Variants in HMCES observed in about 807,000 individuals in gnomAD.
HMCES encodes 5-hydroxymethylcytosine binding, ES cell specific, also known as abasic site processing protein HMCES.
HMCES carries 27 observed loss-of-function variants against 35.1 expected under a neutral mutation model. The observed-to-expected ratio is 0.77, with a 90% CI of 0.57 to 1.06. The LOEUF is 1.06. Among genes scored for constraint, HMCES ranks in the 50% least tolerant of loss-of-function variants. HMCES has a pLI of 0.00. For missense variants in HMCES, 391 were observed against 430.4 expected, an observed-to-expected ratio of 0.91 and a Z score of 0.81; for synonymous variants, 130 against 154.7, an observed-to-expected ratio of 0.84 and a Z score of 1.18.
At chr3:129,300,280 G>C (rs2071147390) in intron 5 of HMCES, among the ~76,000 whole-genome samples, 1 of 151,844 alleles carries the variant, frequency 6.6e-6, no homozygotes, top group Non-Finnish European at 1.5e-5. Context: ...TGTTTGAGAT[G>C]GGTGCATTTT....
At chr3:129,303,195 C>G (rs2071191569) in intron 6 of HMCES, among the ~76,000 whole-genome samples, 1 of 152,078 alleles carries the variant, frequency 6.6e-6, no homozygotes, top group Admixed American at 6.5e-5. Flanking sequence ...AAAGCTGGCC[C>G]CCACTGACAT....
chr3:129,284,481 TGTC>T (rs1001605543), intron 2 of HMCES, among the ~76,000 whole-genome samples: 3 of 152,360 alleles, frequency 2.0e-5, no homozygotes, highest in African/African-American at 7.2e-5. Flanking sequence ...TTGATGAAAG[TGTC>T]GTCACCAGAT....
In HMCES at chr3:129,298,555, C is replaced by T. The variant is rs773101181; in HGVS notation, c.635+20C>T. The T allele has an allele frequency of 6.2e-7, 1 of 1,606,306 alleles. No individual in the cohort carries two copies. Among genetic ancestry groups the T allele is most frequent in the Non-Finnish European group, 8.5e-7 (1 of 1,173,734 alleles). ...CCACAGGCAAGTCATACTTCTTAGC[C>T]CTGGATCCAAAAGGATCCAAAAGAT... On this transcript the variant is annotated intron_variant, in intron 5 of 6. Coordinates refer to ENST00000383463, the MANE Select transcript of HMCES (RefSeq NM_020187.3).
chr3:129,302,859 A>C (rs930976990), intron 6 of HMCES, among the ~76,000 whole-genome samples: 1 of 149,530 alleles, frequency 6.7e-6, no homozygotes, highest in Non-Finnish European at 1.5e-5. Context: ...ACAAAAAGGA[A>C]AAAAAAAAAA....
intron 4 of HMCES, among the ~76,000 whole-genome samples, chr3:129,293,846 G>A (rs985303096): frequency 5.9e-5 from 9 of 152,090 alleles, no homozygotes; most frequent in Non-Finnish European, 1.2e-4. Context: ...TGGGATTACA[G>A]GCATGAGCTA....
At chr3:129,300,826 C>T (rs1308597075) in intron 5 of HMCES, among the ~76,000 whole-genome samples, 9 of 151,946 alleles carry the variant, frequency 5.9e-5, no homozygotes, top group Non-Finnish European at 8.8e-5. Context: ...GTCAGGAGAT[C>T]GAGACCATCC....
intron 2 of HMCES, 131 bp downstream of exon 2, chr3:129,280,046 G>T (rs1940426447): frequency 1.4e-6 from 1 of 704,140 alleles, no homozygotes; most frequent in Non-Finnish European, 2.2e-6. Context: ...CTGACTTCCA[G>T]TTGAGAACCT....
At chr3:129,289,070 C>T in intron 3 of HMCES, 73 bp downstream of exon 3, 1 of 1,196,558 alleles carries the variant, frequency 8.4e-7, no homozygotes, top group Non-Finnish European at 1.1e-6. Flanking sequence ...CCATCCTAGC[C>T]TACAGAGGAC....
At chr3:129,295,929 C>A (rs1303066136) in intron 4 of HMCES, among the ~76,000 whole-genome samples, 1 of 152,100 alleles carries the variant, frequency 6.6e-6, no homozygotes, top group Non-Finnish European at 1.5e-5. Flanking sequence ...ATTTCTTCTG[C>A]CCCATTTTCT....
intron 4 of HMCES, among the ~76,000 whole-genome samples, chr3:129,296,707 G>T (rs1308056312): frequency 6.6e-6 from 1 of 152,108 alleles, no homozygotes; most frequent in Admixed American, 6.6e-5. Context: ...GGTTAAGTCA[G>T]TCTTGTCAGG....
At chr3:129,289,315 C>T (rs1414846650) in intron 3 of HMCES, among the ~76,000 whole-genome samples, 3 of 152,180 alleles carry the variant, frequency 2.0e-5, no homozygotes, top group African/African-American at 2.4e-5. Flanking sequence ...CTTCTTCACC[C>T]ACATCTGACC....
chr3:129,279,349 GA>G lies in HMCES; in HGVS notation c.-23-359del. The stretch of plus-strand genomic sequence containing the variant: ...CGCTGACCCCAGCGGGGACTGGGGG[GA>G]AGGACGGGGAGTTGGGGGCACCAAG... On this transcript the variant is annotated intron_variant, in intron 1 of 6. Transcript: ENST00000383463. This position sits in a 1 kb window ranked among gnomAD's most constrained non-coding sequence, Gnocchi z 4.2. 4.5e-6 allele frequency: 1 copy of G among 222,306 alleles called. No individual in the cohort carries two copies. Among genetic ancestry groups the G allele is most frequent in the South Asian group, 5.0e-5 (1 of 19,944 alleles). 13.8% of individuals were successfully genotyped at this position (222,306 alleles called of 1,614,324 possible).
At chr3:129,285,141 C>A (rs978175785) in intron 2 of HMCES, among the ~76,000 whole-genome samples, 5 of 152,060 alleles carry the variant, frequency 3.3e-5, no homozygotes, top group African/African-American at 1.2e-4. Flanking sequence ...ACCCTAATTT[C>A]TTCTTTTAAC....
chr3:129,282,295 C>CAAAAA (rs201242976), intron 2 of HMCES, among the ~76,000 whole-genome samples: 2,114 of 90,860 alleles, frequency 0.023, 88 homozygotes, highest in East Asian at 0.15. Context: ...CTGTTTTTAA[C>CAAAAA]AAAAAAAAAA....
intron 5 of HMCES, 135 bp from the exon 6 acceptor site, chr3:129,301,815 A>G: frequency 1.4e-6 from 1 of 708,638 alleles, no homozygotes; most frequent in South Asian, 1.8e-5. Flanking sequence ...CATGGCAGCA[A>G]TCAGCATGTG....
intron 5 of HMCES, among the ~76,000 whole-genome samples, chr3:129,300,605 G>A (rs1468808373): frequency 2.0e-5 from 3 of 152,142 alleles, no homozygotes; most frequent in Admixed American, 2.0e-4. Context: ...GTGAAAATAT[G>A]CTTTCATGTG....
chr3:129,302,859 A>G (rs930976990), intron 6 of HMCES, among the ~76,000 whole-genome samples: 1 of 149,530 alleles, frequency 6.7e-6, no homozygotes, highest in Non-Finnish European at 1.5e-5. Context: ...ACAAAAAGGA[A>G]AAAAAAAAAA....
intron 4 of HMCES, among the ~76,000 whole-genome samples, chr3:129,294,823 A>AT (rs1038180700): frequency 1.2e-3 from 183 of 148,666 alleles, no homozygotes; most frequent in East Asian, 4.3e-3. Context: ...ATAAATTCTG[A>AT]TTTTTTTTTT....
At chr3:129,286,198 A>G (rs879465380) in intron 2 of HMCES, among the ~76,000 whole-genome samples, 1 of 152,228 alleles carries the variant, frequency 6.6e-6, no homozygotes, top group Non-Finnish European at 1.5e-5. Context: ...TCCTTGAAAA[A>G]TGCATATGTT....
Sources: gnomAD v4.1 joint callset for allele counts (sites outside exome capture counted in the v4.1 genomes callset) on GRCh38, gnomAD v4.1.1 for gene constraint, Gnocchi (gnomAD v3.1) non-coding constraint, MANE v1.5 for transcripts, NCBI Gene and HGNC (gene_info 2026-07-23, HGNC 2026-07-21) for gene names.